DCC: variants seen among roughly 807,000 people sequenced by gnomAD.
DCC encodes the protein DCC netrin 1 receptor.
DCC carries 58 observed loss-of-function variants against 172.5 expected under a neutral mutation model. That is an observed-to-expected ratio of 0.34 (90% CI 0.27 to 0.42). The LOEUF is 0.42. Ranked by LOEUF, DCC falls within the 10% of genes least tolerant of loss-of-function variation. The probability of loss-of-function intolerance (pLI) is 1.00; values close to 1 mark genes in which losing one functional copy is unlikely to be tolerated. For synonymous variants in DCC, 709 were observed against 644.5 expected, an observed-to-expected ratio of 1.10 and a Z score of -1.52; for missense variants, 1,740 against 1,791.0, an observed-to-expected ratio of 0.97 and a Z score of 0.51.
At position 52,803,606 on chromosome 18, in the gene DCC, A is replaced by G. The variant is rs146676974; in HGVS notation, c.412+51232A>G. ...TATAACTTAGTTTTACTTTATATTT[A>G]GGCTACACGGTTTGTCTGCAAGGTT... On this transcript the variant is annotated intron_variant, in intron 2 of 28. Coordinates refer to ENST00000442544, the MANE Select transcript of DCC (RefSeq NM_005215.4). Among the ~76,000 whole-genome samples the G allele has an allele frequency of 7.1e-3, 1,077 of 152,322 alleles. 8 individuals carry two copies. Among genetic ancestry groups the G allele is most frequent in the Non-Finnish European group, 0.012 (833 of 68,020 alleles).
chr18:53,161,760 T>C (rs1158437351), intron 8 of DCC, among the ~76,000 whole-genome samples: 2 of 152,152 alleles, frequency 1.3e-5, no homozygotes, highest in Non-Finnish European at 2.9e-5. Flanking sequence ...TTGAAATAAT[T>C]CATAGCTCGT....
chr18:53,332,209 G>A (rs989863129), intron 14 of DCC, among the ~76,000 whole-genome samples: 3 of 152,110 alleles, frequency 2.0e-5, no homozygotes, highest in African/African-American at 7.2e-5. Flanking sequence ...TAAGAGTGTT[G>A]GCTAGGTATT....
At chr18:52,738,642 C>A (rs1291402045) in intron 1 of DCC, among the ~76,000 whole-genome samples, 2 of 152,030 alleles carry the variant, frequency 1.3e-5, no homozygotes, top group African/African-American at 4.8e-5. Context: ...TAGGCTACAC[C>A]AAATTTATTT....
chr18:53,434,069 G>C (rs2098790645), intron 21 of DCC, among the ~76,000 whole-genome samples: 1 of 152,034 alleles, frequency 6.6e-6, no homozygotes. Flanking sequence ...CTTTAGTAAG[G>C]GTAGTGTTTG....
chr18:53,307,543 T>C (rs374139665), intron 13 of DCC, among the ~76,000 whole-genome samples: 235 of 152,180 alleles, frequency 1.5e-3, no homozygotes, highest in African/African-American at 5.4e-3. Context: ...CAAAACTTTA[T>C]CATCATTGCT....
chr18:53,237,011 C>A (rs535229853), intron 12 of DCC: 1 of 151,770 alleles, frequency 6.6e-6, no homozygotes, highest in South Asian at 2.1e-4. Context: ...GTATTAAGTA[C>A]TCTAATATGG....
At chr18:53,413,101 T>C (rs1910088329) in intron 20 of DCC, among the ~76,000 whole-genome samples, 2 of 152,152 alleles carry the variant, frequency 1.3e-5, no homozygotes, top group South Asian at 4.1e-4. Flanking sequence ...TGATAAAGCA[T>C]GCTTCCCCAT....
chr18:53,153,239 T>C (rs530537573), intron 7 of DCC, among the ~76,000 whole-genome samples: 87 of 152,322 alleles, frequency 5.7e-4, no homozygotes, highest in African/African-American at 2.0e-3. Context: ...TTCTCAAAAA[T>C]CTAGTAATGT....
At position 53,534,437 on chromosome 18, in the gene DCC, A is replaced by G. The variant is rs1045875090; in HGVS notation, c.*3784A>G. 9.2e-5 allele frequency: 14 copies of G among 152,364 alleles called. No individual in the cohort carries two copies. In the East Asian group the frequency reaches 2.5e-3, roughly 27 times the overall value. The allele number at this position is 152,364 out of a possible 1,614,324, so 9.4% of individuals were successfully genotyped here. ...TATCCTAACCTGCTCATAACCATATACTATACAGAGCCCACAACTTTCTGG... is the reference window on the plus strand; with the variant it reads ...TATCCTAACCTGCTCATAACCATATGCTATACAGAGCCCACAACTTTCTGG... On this transcript the variant is annotated 3_prime_UTR_variant, in exon 29 of 29. Transcript: ENST00000442544.
intron 7 of DCC, among the ~76,000 whole-genome samples, chr18:53,126,551 C>G (rs984399270): frequency 2.6e-5 from 4 of 152,066 alleles, no homozygotes; most frequent in Admixed American, 2.6e-4. Flanking sequence ...GAAAGTGGAG[C>G]TATTTTGGAA....
intron 12 of DCC, among the ~76,000 whole-genome samples, chr18:53,222,518 G>A (rs1185967875): frequency 1.3e-5 from 2 of 151,314 alleles, no homozygotes; most frequent in Non-Finnish European, 2.9e-5. Flanking sequence ...CTGAGTAGCT[G>A]GGACTACAGG....
chr18:53,177,998 C>G (rs2055135148), intron 8 of DCC, among the ~76,000 whole-genome samples: 1 of 152,078 alleles, frequency 6.6e-6, no homozygotes, highest in African/African-American at 2.4e-5. Context: ...ATCTGAATGG[C>G]AAAATTAAAG....
chr18:53,355,310 A>G (rs113328742), intron 15 of DCC, among the ~76,000 whole-genome samples: 40,719 of 151,982 alleles, frequency 0.27, 6,247 homozygotes, highest in African/African-American at 0.41. Flanking sequence ...AATTCTTGAA[A>G]AAAGTCATTG....
chr18:52,885,236 C>A (rs1204819703), intron 2 of DCC, among the ~76,000 whole-genome samples: 1 of 152,124 alleles, frequency 6.6e-6, no homozygotes, highest in East Asian at 1.9e-4. Flanking sequence ...TGTTCTCCTC[C>A]CTTCAGAGTG....
intron 2 of DCC, among the ~76,000 whole-genome samples, chr18:52,841,595 T>A (rs1389670511): frequency 6.6e-6 from 1 of 152,098 alleles, no homozygotes; most frequent in South Asian, 2.1e-4. Context: ...AGTAGTGAGA[T>A]TCAGGACCTA....
intron 1 of DCC, among the ~76,000 whole-genome samples, chr18:52,399,826 T>G (rs1986368865): frequency 6.6e-6 from 1 of 152,176 alleles, no homozygotes; most frequent in African/African-American, 2.4e-5. Context: ...TGTCTTATTC[T>G]TATTAATATC....
chr18:53,474,669 G>A (rs1266404659), intron 25 of DCC, among the ~76,000 whole-genome samples: 1 of 152,204 alleles, frequency 6.6e-6, no homozygotes, highest in Non-Finnish European at 1.5e-5. Flanking sequence ...ACATGGAACT[G>A]TAAGTCCAAT....
intron 1 of DCC, among the ~76,000 whole-genome samples, chr18:52,656,022 A>G (rs1205632467): frequency 8.6e-6 from 1 of 116,010 alleles, no homozygotes; most frequent in African/African-American, 3.2e-5. Flanking sequence ...ATGTGTGTAT[A>G]TATATGTATA....
intron 12 of DCC, among the ~76,000 whole-genome samples, chr18:53,260,082 G>A (rs984415805): frequency 1.3e-5 from 2 of 152,026 alleles, no homozygotes; most frequent in African/African-American, 2.4e-5. Context: ...CCCTGCATTG[G>A]TTATTCTAGT....
Sources: gnomAD v4.1 joint callset for allele counts (sites outside exome capture counted in the v4.1 genomes callset) on GRCh38, gnomAD v4.1.1 for gene constraint, MANE v1.5 for transcripts, NCBI Gene and HGNC (gene_info 2026-07-23, HGNC 2026-07-21) for gene names.